Variants in TBRG1 observed in about 807,000 individuals in gnomAD.
The protein encoded by TBRG1 is nuclear interactor of ARF and MDM2.
In TBRG1, 31 loss-of-function variants were observed where a neutral mutation model predicts 44.0. The ratio of observed to expected loss-of-function variants is 0.70; its 90% CI spans 0.53 to 0.95. The LOEUF (loss-of-function observed/expected upper bound fraction) is 0.95, where lower values mean the gene tolerates loss of function less well. Among genes scored for constraint, TBRG1 ranks in the 40% least tolerant of loss-of-function variants. TBRG1 has a pLI of 0.00. For synonymous variants in TBRG1, 171 were observed against 188.1 expected, an observed-to-expected ratio of 0.91 and a Z score of 0.74; for missense variants, 487 against 496.1, an observed-to-expected ratio of 0.98 and a Z score of 0.18.
chr11:124,632,400 C>CACCACAGG lies in TBRG1; in HGVS notation c.*163_*164insCCACAGGA. The CACCACAGG allele has an allele frequency of 7.6e-6, 4 of 526,226 alleles. No homozygotes were observed. The highest frequency in any genetic ancestry group is 1.0e-5 in the Non-Finnish European group (3 of 301,212). The allele number at this position is 526,226 out of a possible 1,614,324, so 32.6% of individuals were successfully genotyped here. On this transcript the variant is annotated 3_prime_UTR_variant, in exon 9 of 9. Coordinates refer to ENST00000441174, the MANE Select transcript of TBRG1 (RefSeq NM_032811.3). ...TGATGGTTTTCCCTGGGAAAACCTT[C>CACCACAGG]AGCTGCTTTATTTTTAGTAATAAAT...
chr11:124,623,078 T>C lies in TBRG1; in HGVS notation c.-6T>C, dbSNP rs1441849338. The C allele has an allele frequency of 6.5e-7, 1 of 1,546,240 alleles. No individual in the cohort carries two copies. Among genetic ancestry groups the C allele is most frequent in the Non-Finnish European group, 8.7e-7 (1 of 1,144,714 alleles). On this transcript the variant is annotated 5_prime_UTR_variant, in exon 1 of 9. Transcript: ENST00000441174. Reference sequence around the variant, plus strand: ...CGTCCTGGGGCCCCCGTAGCGGGGCTGGACCATGAGCCTGCTGGACGGCCT... The same window carrying C: ...CGTCCTGGGGCCCCCGTAGCGGGGCCGGACCATGAGCCTGCTGGACGGCCT...
chr11:124,626,480 G>C lies in TBRG1; in HGVS notation c.462G>C (p.Lys154Asn), dbSNP rs1942471597. The change falls in exon 4 of 9, where the codon AAG (lysine) becomes AAC (asparagine). Residue 154 changes from lysine to asparagine, a missense_variant. Transcript: ENST00000441174. ...CCCAGATTTGCGTTTCAGTTCTGAA[G>C]AAAACATGCAAGAAAAAGAAAATGG... The part of the protein sequence containing the change: ...GKENNKLEVL[K>N]KTCKKKKMAG... 5 of 1,540,598 alleles carry C rather than the reference G, an allele frequency of 3.2e-6. No individual in the cohort carries two copies. The highest frequency in any genetic ancestry group is 2.4e-5 in the East Asian group (1 of 40,854).
Position 124,624,935 on chromosome 11 carries a change from ATGC to A in TBRG1, c.160_162del (p.Ala54del). 1 of 1,537,380 alleles carries A rather than the reference ATGC, an allele frequency of 6.5e-7. No homozygotes were observed. The highest frequency in any genetic ancestry group is 8.8e-7 in the Non-Finnish European group (1 of 1,135,310). ...TATTCACATTTTTACTTAAAGGAAA[ATGC>A]TGCTATTTGTGATGAAATTGCTCGT... On this transcript the variant is annotated inframe_deletion, in exon 2 of 9. Transcript: ENST00000441174.
rs1041312810 is a variant in TBRG1 at position 124,635,802 on chromosome 11, A to T, written c.*3564A>T. 6.6e-6 allele frequency: 1 copy of T among 152,144 alleles called. No individual in the cohort carries two copies. Among genetic ancestry groups the T allele is most frequent in the East Asian group, 1.9e-4 (1 of 5,192 alleles). The allele number at this position is 152,144 out of a possible 1,614,324, so 9.4% of individuals were successfully genotyped here. A position where few individuals can be genotyped will look rare whatever the true frequency, so the allele number is the denominator to read the frequency against. On this transcript the variant is annotated 3_prime_UTR_variant, in exon 9 of 9. Coordinates refer to ENST00000441174, the MANE Select transcript of TBRG1 (RefSeq NM_032811.3). ...TATAAATACATACACATCACTAGTG[A>T]TTATGCTTTTATTTATTTCCAACTT... is the stretch of plus-strand genomic sequence containing the variant.
chr11:124,630,963 C>CT, intron 7 of TBRG1, 108 bp downstream of exon 7: 1 of 856,896 alleles, frequency 1.2e-6, no homozygotes, highest in Non-Finnish European at 1.9e-6. Flanking sequence ...AGCCTGCCTG[C>CT]TTCTCGACCA....
chr11:124,631,465 C>G, intron 8 of TBRG1, 48 bp downstream of exon 8: 1 of 1,584,896 alleles, frequency 6.3e-7, no homozygotes, highest in Non-Finnish European at 8.6e-7. Flanking sequence ...TGTGTTTAGG[C>G]TACCTTCCCA....
intron 4 of TBRG1, 79 bp downstream of exon 4, chr11:124,626,688 A>G (rs1942480194): frequency 6.6e-7 from 1 of 1,510,002 alleles, no homozygotes; most frequent in East Asian, 2.5e-5. Context: ...CCCTGTTCCC[A>G]TTAGCAGCAG....
In TBRG1 at chr11:124,633,017, A is replaced by G. The variant is rs906639605; in HGVS notation, c.*779A>G. The stretch of plus-strand genomic sequence containing the variant: ...GCTGCTGCTTAATTTTCATGTCAGT[A>G]TCATCAAAATCCAATGTTCTGCTTA... On this transcript the variant is annotated 3_prime_UTR_variant, in exon 9 of 9. Coordinates refer to ENST00000441174, the MANE Select transcript of TBRG1 (RefSeq NM_032811.3). The G allele has an allele frequency of 6.6e-5, 10 of 152,208 alleles. No individual in the cohort carries two copies. The highest frequency in any genetic ancestry group is 2.4e-4 in the African/African-American group (10 of 41,460). The allele number at this position is 152,208 out of a possible 1,614,324, so 9.4% of individuals were successfully genotyped here.
At position 124,630,728 on chromosome 11, in the gene TBRG1, AT is replaced by A. The variant is rs1307994037; in HGVS notation, c.837-16del. ...CCCGCTAAGCTCTCAAACTAAAATT[AT>A]CCCTCTCCTGTTTAGGGGGAAACTA... On this transcript the variant is annotated splice_polypyrimidine_tract_variant and intron_variant, in intron 6 of 8. Transcript: ENST00000441174. The A allele has an allele frequency of 6.4e-7, 1 of 1,562,682 alleles. No homozygotes were observed.
In TBRG1 at chr11:124,625,855, A is replaced by T; in HGVS notation, c.406A>T (p.Thr136Ser). ...GGCTGAGGAACCATTTGGGAAGAAA[A>T]CTAAGAAGGAGAAAAAAGAAAAAGG... ...TGAEEPFGKK[T>S]KKEKKEKGKE... Residue 136 changes from threonine (T) to serine (S), a missense_variant, in exon 3 of 9, where the codon ACT (threonine) becomes TCT (serine). Coordinates refer to ENST00000441174, the MANE Select transcript of TBRG1 (RefSeq NM_032811.3). 6.3e-7 allele frequency: 1 copy of T among 1,578,420 alleles called. No homozygotes were observed. The highest frequency in any genetic ancestry group is 8.6e-7 in the Non-Finnish European group (1 of 1,164,166).
chr11:124,627,068 A>G lies in TBRG1; in HGVS notation c.738+18A>G, dbSNP rs944665598. The G allele has an allele frequency of 1.4e-6, 2 of 1,472,128 alleles. No individual in the cohort carries two copies. The highest frequency in any genetic ancestry group is 1.9e-6 in the Non-Finnish European group (2 of 1,074,746). 91.2% of individuals were successfully genotyped at this position (1,472,128 alleles called of 1,614,324 possible). ...AGCCTCAGGTACCCCCTCTAATAAT[A>G]ACCACTGTTTGTCTTTAGAACCTTC... On this transcript the variant is annotated intron_variant, in intron 5 of 8. Coordinates refer to ENST00000441174, the MANE Select transcript of TBRG1 (RefSeq NM_032811.3).
intron 1 of TBRG1, among the ~76,000 whole-genome samples, chr11:124,623,819 A>G (rs1179694522): frequency 6.6e-6 from 1 of 152,200 alleles, no homozygotes; most frequent in Non-Finnish European, 1.5e-5. Context: ...CTTTTATTGT[A>G]GAAGCACTGG....
At chr11:124,626,805 C>T (rs1184440309) in intron 4 of TBRG1, 99 bp from the exon 5 acceptor site, 1 of 1,535,784 alleles carries the variant, frequency 6.5e-7, no homozygotes, top group Non-Finnish European at 8.8e-7. Context: ...ATTTGTCACT[C>T]TTTGCAGCCC....
At chr11:124,623,559 G>T in intron 1 of TBRG1, 1 of 396,090 alleles carries the variant, frequency 2.5e-6, no homozygotes. Context: ...TCGAGATACA[G>T]CCCTGAGAAT....
At chr11:124,628,824 C>T (rs775884394) in intron 5 of TBRG1, among the ~76,000 whole-genome samples, 26 of 152,036 alleles carry the variant, frequency 1.7e-4, no homozygotes, top group South Asian at 2.1e-4. Flanking sequence ...CTAGACTGCA[C>T]TAGGTACACA....
intron 5 of TBRG1, among the ~76,000 whole-genome samples, chr11:124,627,264 T>A (rs1440393978): frequency 1.3e-5 from 2 of 152,228 alleles, no homozygotes; most frequent in African/African-American, 4.8e-5. Flanking sequence ...CTCAAACTGA[T>A]GCTCTTTTCT....
chr11:124,626,822 G>A, intron 4 of TBRG1, 82 bp from the exon 5 acceptor site: 1 of 1,552,024 alleles, frequency 6.4e-7, no homozygotes, highest in Non-Finnish European at 8.7e-7. Context: ...GCCCCAAAGT[G>A]GTTCTAAAGG....
chr11:124,630,906 C>A, intron 7 of TBRG1, 51 bp downstream of exon 7: 1 of 1,299,990 alleles, frequency 7.7e-7, no homozygotes, highest in Non-Finnish European at 1.1e-6. Context: ...GATCATCCGG[C>A]CAGGGACTGG....
chr11:124,624,379 A>AAG (rs565713185), intron 1 of TBRG1, among the ~76,000 whole-genome samples: 15,344 of 147,704 alleles, frequency 0.1, 2,719 homozygotes, highest in African/African-American at 0.38. Context: ...AAAAAAAAAA[A>AAG]AAAAGAAAAA....
Sources: allele counts gnomAD v4.1 joint callset (sites outside exome capture counted in the v4.1 genomes callset), GRCh38; gene constraint gnomAD v4.1.1; transcripts MANE v1.5; gene names NCBI Gene and HGNC (gene_info 2026-07-23, HGNC 2026-07-21).